Variants in SLC9A1 observed in about 807,000 individuals in gnomAD.
The protein encoded by SLC9A1 is sodium/hydrogen exchanger 1.
SLC9A1 carries 22 observed loss-of-function variants against 67.9 expected under a neutral mutation model. That is an observed-to-expected ratio of 0.32 (90% CI 0.23 to 0.46). SLC9A1 has a LOEUF of 0.46. SLC9A1 is among the 20% of genes least tolerant of loss of function. SLC9A1 has a pLI of 1.00. For synonymous variants in SLC9A1, 421 were observed against 471.8 expected, an observed-to-expected ratio of 0.89 and a Z score of 1.40; for missense variants, 686 against 1,094.8, an observed-to-expected ratio of 0.63 and a Z score of 5.27.
intron 1 of SLC9A1, among the ~76,000 whole-genome samples, chr1:27,128,430 A>G (rs1325714314): frequency 6.6e-6 from 1 of 152,026 alleles, no homozygotes; most frequent in African/African-American, 2.4e-5. Flanking sequence ...CCGAGGCGAG[A>G]GGATCACTTG....
At position 27,103,314 on chromosome 1, in the gene SLC9A1, TG is replaced by T; in HGVS notation, c.1486-3del. On this transcript the variant is annotated splice_polypyrimidine_tract_variant and splice_region_variant and intron_variant, in intron 5 of 11. Coordinates refer to ENST00000263980, the MANE Select transcript of SLC9A1 (RefSeq NM_003047.5). ...TACCAGGGGCCGAATGGTCATGCCC[TG>T]GGGGGCAGGCAGGTGTCAGGCACTC... The T allele has an allele frequency of 1.2e-6, 2 of 1,610,668 alleles. No individual in the cohort carries two copies. Among genetic ancestry groups the T allele is most frequent in the Non-Finnish European group, 1.7e-6 (2 of 1,176,944 alleles).
In SLC9A1 at chr1:27,101,018, G is replaced by C. The variant is rs577092208; in HGVS notation, c.2110+185C>G. On this transcript the variant is annotated intron_variant, in intron 11 of 11. Transcript: ENST00000263980. This position sits in a 1 kb window ranked among gnomAD's most constrained non-coding sequence, Gnocchi z 4.9. ...CCAGCTCCCCACACAGTCCTCGCCC[G>C]GAACGTCTCTCTCCCTAGGGATGGC... 2.0e-5 allele frequency among the ~76,000 whole-genome samples: 3 copies of C among 152,298 alleles called. No individual in the cohort carries two copies. In the East Asian group the frequency reaches 5.8e-4, roughly 29 times the overall value.
chr1:27,144,250 A>C (rs2083468404), intron 1 of SLC9A1, among the ~76,000 whole-genome samples: 1 of 152,200 alleles, frequency 6.6e-6, no homozygotes, highest in African/African-American at 2.4e-5. Context: ...GGCTTGAGGA[A>C]TCTTCCCAGG....
intron 1 of SLC9A1, among the ~76,000 whole-genome samples, chr1:27,153,393 G>C (rs760344164): frequency 5.3e-5 from 8 of 152,140 alleles, no homozygotes; most frequent in Non-Finnish European, 1.0e-4. Context: ...AACTAGCCTG[G>C]ACAAGCAAAG....
chr1:27,136,094 A>G (rs1332225611), intron 1 of SLC9A1, among the ~76,000 whole-genome samples: 1 of 152,204 alleles, frequency 6.6e-6, no homozygotes, highest in Non-Finnish European at 1.5e-5. Context: ...CTCCACCTGC[A>G]GAGCCTTCTG....
Position 27,109,500 on chromosome 1 carries a change from C to A in SLC9A1, c.1064+27G>T. The A allele has an allele frequency of 6.2e-7, 1 of 1,608,598 alleles. No individual in the cohort carries two copies. The highest frequency in any genetic ancestry group is 8.5e-7 in the Non-Finnish European group (1 of 1,178,612). The stretch of plus-strand genomic sequence containing the variant: ...CAGCCCCCGCCCCCACCCCGCCAAG[C>A]CCACTGCCTGCTGCACGCAGACTCA... On this transcript the variant is annotated intron_variant, in intron 3 of 11. Coordinates refer to ENST00000263980, the MANE Select transcript of SLC9A1 (RefSeq NM_003047.5). The surrounding 1 kb of genome is among the most constrained non-coding windows in gnomAD (Gnocchi z 5.5).
At position 27,150,552 on chromosome 1, in the gene SLC9A1, C is replaced by G. The variant is rs149578305; in HGVS notation, c.352+3431G>C. 8.1e-4 allele frequency among the ~76,000 whole-genome samples: 124 copies of G among 152,218 alleles called. 1 individual carries two copies. Among genetic ancestry groups the G allele is most frequent in the African/African-American group, 2.8e-3 (118 of 41,538 alleles). ...GCACAATGTGGGGTGGGGAATGCAC[C>G]TAACTCCTAAGGCTTGGAGTCATTC... On this transcript the variant is annotated intron_variant, in intron 1 of 11. Coordinates refer to ENST00000263980, the MANE Select transcript of SLC9A1 (RefSeq NM_003047.5).
chr1:27,132,148 T>C (rs1385002080), intron 1 of SLC9A1, among the ~76,000 whole-genome samples: 1 of 151,780 alleles, frequency 6.6e-6, no homozygotes, highest in South Asian at 2.1e-4. Context: ...CAGGTACTCA[T>C]GCTCAACTAC....
At chr1:27,150,838 GAAC>G (rs1052625042) in intron 1 of SLC9A1, among the ~76,000 whole-genome samples, 1 of 152,134 alleles carries the variant, frequency 6.6e-6, no homozygotes, top group African/African-American at 2.4e-5. Flanking sequence ...GTAGGAAGGA[GAAC>G]TGCAAAGCAC....
At chr1:27,136,784 G>A (rs781447590) in intron 1 of SLC9A1, among the ~76,000 whole-genome samples, 12 of 152,158 alleles carry the variant, frequency 7.9e-5, no homozygotes, top group Non-Finnish European at 1.5e-4. Context: ...AGGAGGAGGC[G>A]GAAAATTCCC....
chr1:27,115,160 T>C (rs376968945), intron 1 of SLC9A1, among the ~76,000 whole-genome samples: 58 of 151,998 alleles, frequency 3.8e-4, no homozygotes, highest in African/African-American at 1.3e-3. Context: ...AACTGCACAG[T>C]TCTGTAATTC....
intron 1 of SLC9A1, among the ~76,000 whole-genome samples, chr1:27,135,085 GCT>G (rs1282417851): frequency 2.7e-5 from 4 of 148,480 alleles, no homozygotes; most frequent in Non-Finnish European, 6.0e-5. Context: ...GCAGGGTCTT[GCT>G]CTGTCAGGCT....
chr1:27,105,302 T>A (rs1421793450), intron 5 of SLC9A1: 1 of 200,986 alleles, frequency 5.0e-6, no homozygotes, highest in Non-Finnish European at 1.0e-5. Context: ...CTTCTCTCTC[T>A]TTTTCTTTTT....
intron 1 of SLC9A1, among the ~76,000 whole-genome samples, chr1:27,129,845 G>T (rs965865227): frequency 2.6e-5 from 4 of 151,944 alleles, no homozygotes; most frequent in African/African-American, 7.3e-5. Context: ...CTTCAATCAC[G>T]ATTCTCCTAG....
chr1:27,105,496 C>T, intron 5 of SLC9A1: 3 of 565,366 alleles, frequency 5.3e-6, no homozygotes, highest in Non-Finnish European at 9.6e-6. Flanking sequence ...CGGGGTTTCA[C>T]CATGTTAGTC....
At chr1:27,125,132 C>T (rs532845341) in intron 1 of SLC9A1, among the ~76,000 whole-genome samples, 2 of 152,034 alleles carry the variant, frequency 1.3e-5, no homozygotes, top group African/African-American at 2.4e-5. Flanking sequence ...CACTTCTCAC[C>T]GCCTCCACTG....
intron 1 of SLC9A1, among the ~76,000 whole-genome samples, chr1:27,124,475 A>G (rs1182126281): frequency 1.3e-5 from 2 of 152,222 alleles, no homozygotes; most frequent in African/African-American, 2.4e-5. Context: ...GTGGAATATA[A>G]AGAGGTACCA....
chr1:27,114,736 T>A lies in SLC9A1; in HGVS notation c.353-450A>T, dbSNP rs2083254193. On this transcript the variant is annotated intron_variant, in intron 1 of 11. Transcript: ENST00000263980. This position sits in a 1 kb window ranked among gnomAD's most constrained non-coding sequence, Gnocchi z 5.4. ...AACCTGAGGAATAACAATCTAACAA[T>A]TCTGTCTGAGGGAAGATGGTAGTTC... Among the ~76,000 whole-genome samples, 1 of 152,152 alleles carries A rather than the reference T, an allele frequency of 6.6e-6. No individual in the cohort carries two copies. The highest frequency in any genetic ancestry group is 1.5e-5 in the Non-Finnish European group (1 of 68,030).
At chr1:27,139,237 G>A (rs2083438883) in intron 1 of SLC9A1, among the ~76,000 whole-genome samples, 1 of 152,132 alleles carries the variant, frequency 6.6e-6, no homozygotes, top group Non-Finnish European at 1.5e-5. Flanking sequence ...TGCCTGATTG[G>A]TCACCTTCCC....
Sources: gnomAD v4.1 joint callset for allele counts (sites outside exome capture counted in the v4.1 genomes callset) on GRCh38, gnomAD v4.1.1 for gene constraint, Gnocchi (gnomAD v3.1) non-coding constraint, MANE v1.5 for transcripts, NCBI Gene and HGNC (gene_info 2026-07-23, HGNC 2026-07-21) for gene names.